The following NCAN variants were observed in gnomAD, a reference collection of about 807,000 sequenced individuals.
The protein encoded by NCAN is neurocan.
NCAN carries 47 observed loss-of-function variants against 121.8 expected under a neutral mutation model. The ratio of observed to expected loss-of-function variants is 0.39; its 90% CI spans 0.31 to 0.49. The LOEUF (loss-of-function observed/expected upper bound fraction) is 0.49. NCAN is among the 20% of genes least tolerant of loss of function. The pLI, the probability that NCAN is intolerant of heterozygous loss-of-function variation, is 0.92. For synonymous variants in NCAN, 633 were observed against 702.0 expected, an observed-to-expected ratio of 0.90 and a Z score of 1.55; for missense variants, 1,517 against 1,773.4, an observed-to-expected ratio of 0.86 and a Z score of 2.60.
Position 19,228,263 on chromosome 19 carries a change from G to A in NCAN, c.2643G>A (p.Lys881=). ...TPLTTLEQGD[K]VGVPAMSTLG... The stretch of plus-strand genomic sequence containing the variant: ...TCACGACCCTGGAGCAGGGGGACAA[G>A]GTTGGAGTTCCAGCCATGTCTACAC... The change falls in exon 8 of 15, where the codon AAG becomes AAA. Residue 881 remains lysine, a synonymous_variant. Transcript: ENST00000252575. 6.2e-7 allele frequency: 1 copy of A among 1,613,980 alleles called. No homozygotes were observed.
Position 19,227,767 on chromosome 19 carries a change from T to C in NCAN, c.2147T>C (p.Val716Ala), listed in dbSNP as rs754735948. ...RETGETSPAQ[V>A]NKAEHSSSSP... ...ACTGGGGAGACCAGCCCTGCTCAGG[T>C]CAACAAAGCTGAGCACTCCAGCTCC... The change falls in exon 8 of 15, where the codon GTC becomes GCC. Residue 716 changes from valine (V) to alanine (A), a missense_variant. Transcript: ENST00000252575. The surrounding 1 kb of genome is among the most constrained non-coding windows in gnomAD (Gnocchi z 4.2). 6.2e-7 allele frequency: 1 copy of C among 1,613,618 alleles called. No individual in the cohort carries two copies. Among genetic ancestry groups the C allele is most frequent in the East Asian group, 2.2e-5 (1 of 44,874 alleles).
chr19:19,238,568 A>G (rs118064148), intron 11 of NCAN, 157 bp downstream of exon 11: 17,223 of 769,474 alleles, frequency 0.022, 267 homozygotes, highest in Middle Eastern at 0.027. Context: ...TTCTTAATGC[A>G]TGAAATCTGT....
chr19:19,232,366 T>G (rs2060863302), intron 8 of NCAN, among the ~76,000 whole-genome samples: 1 of 152,174 alleles, frequency 6.6e-6, no homozygotes, highest in Admixed American at 6.5e-5. Context: ...CGTGGGCAGG[T>G]GTCAGCAGCG....
At chr19:19,234,074 G>A (rs1407501587) in intron 9 of NCAN, among the ~76,000 whole-genome samples, 169 bp downstream of exon 9, 1 of 152,146 alleles carries the variant, frequency 6.6e-6, no homozygotes, top group Admixed American at 6.5e-5. Flanking sequence ...CCAGTTAGTG[G>A]AACCAGAATC....
At chr19:19,233,153 C>T (rs1222328413) in intron 8 of NCAN, among the ~76,000 whole-genome samples, 3 of 152,028 alleles carry the variant, frequency 2.0e-5, no homozygotes, top group African/African-American at 4.8e-5. Context: ...AGGCTGGTCT[C>T]GAACTCCTGA....
chr19:19,229,225 A>G (rs2060849558), intron 8 of NCAN, among the ~76,000 whole-genome samples: 1 of 152,122 alleles, frequency 6.6e-6, no homozygotes, highest in South Asian at 2.1e-4. Context: ...AAACAAAAAC[A>G]AAGTGTGGGA....
At chr19:19,224,877 C>A in intron 5 of NCAN, 100 bp from the exon 6 acceptor site, 1 of 1,098,570 alleles carries the variant, frequency 9.1e-7, no homozygotes, top group South Asian at 2.0e-5. Flanking sequence ...AACCACCACC[C>A]TAACACGTCC....
At position 19,218,139 on chromosome 19, in the gene NCAN, G is replaced by A. The variant is rs1008843770; in HGVS notation, c.74-776G>A. Among the ~76,000 whole-genome samples the A allele has an allele frequency of 2.6e-4, 40 of 151,954 alleles. No homozygotes were observed. In the East Asian group the frequency reaches 3.7e-3, roughly 14 times the overall value. On this transcript the variant is annotated intron_variant, in intron 2 of 14. Transcript: ENST00000252575. ...CTAAAAATGCAAAAATTAGCCAGGC[G>A]TGGTGGCACACACCTGTAATCCCAG...
chr19:19,225,301 A>G lies in NCAN; in HGVS notation c.1072+31A>G. The G allele has an allele frequency of 2.7e-6, 4 of 1,492,998 alleles. No individual in the cohort carries two copies. The highest frequency in any genetic ancestry group is 3.5e-6 in the Non-Finnish European group (4 of 1,137,496). The allele number at this position is 1,492,998 out of a possible 1,614,324, so 92.5% of individuals were successfully genotyped here. On this transcript the variant is annotated intron_variant, in intron 6 of 14. Coordinates refer to ENST00000252575, the MANE Select transcript of NCAN (RefSeq NM_004386.3). The surrounding 1 kb of genome is among the most constrained non-coding windows in gnomAD (Gnocchi z 4.0). ...TGCGTCCCCTGGTGGCCGCGCCCCC[A>G]GGGCTTTCACTTTGGCGAAGGCCAC...
At position 19,220,870 on chromosome 19, in the gene NCAN, A is replaced by T. The variant is rs375424790; in HGVS notation, c.475+1554A>T. 5.9e-5 allele frequency among the ~76,000 whole-genome samples: 9 copies of T among 152,146 alleles called. No individual in the cohort carries two copies. In the East Asian group the frequency reaches 1.5e-3, roughly 26 times the overall value. On this transcript the variant is annotated intron_variant, in intron 3 of 14. Transcript: ENST00000252575. ...GGGTCACTTCAGCCAGGAATTCAAG[A>T]CCAGCCTGGGAAACATAGCAAGACC...
intron 13 of NCAN, 134 bp downstream of exon 13, chr19:19,245,591 C>T (rs2060921524): frequency 9.9e-7 from 1 of 1,006,846 alleles, no homozygotes; most frequent in Non-Finnish European, 1.4e-6. Flanking sequence ...CATCCTCCTG[C>T]CTCAGCTTCC....
At chr19:19,217,308 A>C (rs745509358) in intron 2 of NCAN, among the ~76,000 whole-genome samples, 21 of 152,176 alleles carry the variant, frequency 1.4e-4, no homozygotes, top group Non-Finnish European at 2.1e-4. Flanking sequence ...GCAGAGATTG[A>C]TTAGTGATGT....
chr19:19,240,655 A>G lies in NCAN; in HGVS notation c.3462A>G (p.Arg1154=). The part of the protein sequence containing the change: ...WIGLNDRIVE[R]DFQWTDNTGL... Reference sequence around the variant, plus strand: ...GCCTGAACGACAGGATCGTGGAGAGAGATTTCCAGTGGACGGACAACACCG... The same window carrying G: ...GCCTGAACGACAGGATCGTGGAGAGGGATTTCCAGTGGACGGACAACACCG... Residue 1154 remains arginine, a synonymous_variant, in exon 12 of 15, where the codon AGA becomes AGG. Coordinates refer to ENST00000252575, the MANE Select transcript of NCAN (RefSeq NM_004386.3). The G allele has an allele frequency of 1.2e-6, 2 of 1,614,108 alleles. No individual in the cohort carries two copies. The highest frequency in any genetic ancestry group is 1.7e-6 in the Non-Finnish European group (2 of 1,180,042).
At chr19:19,231,380 G>T (rs2060859399) in intron 8 of NCAN, among the ~76,000 whole-genome samples, 2 of 151,206 alleles carry the variant, frequency 1.3e-5, no homozygotes, top group Non-Finnish European at 2.9e-5. Context: ...GCCCAGGCTG[G>T]AGTACAGTGG....
intron 3 of NCAN, among the ~76,000 whole-genome samples, chr19:19,221,884 C>G (rs1435340697): frequency 6.6e-6 from 1 of 150,958 alleles, no homozygotes; most frequent in Admixed American, 6.6e-5. Flanking sequence ...GAGGGAGACC[C>G]TGACTCAAAT....
chr19:19,230,564 G>A (rs913993548), intron 8 of NCAN, among the ~76,000 whole-genome samples: 2 of 151,352 alleles, frequency 1.3e-5, no homozygotes, highest in Non-Finnish European at 2.9e-5. Context: ...CAACAGGCCT[G>A]GCTAATTTTT....
At chr19:19,221,625 C>T (rs2060817110) in intron 3 of NCAN, among the ~76,000 whole-genome samples, 1 of 151,970 alleles carries the variant, frequency 6.6e-6, no homozygotes, top group African/African-American at 2.4e-5. Flanking sequence ...GCGGCTCACA[C>T]CTCTAATCTC....
intron 11 of NCAN, 180 bp downstream of exon 11, chr19:19,238,591 T>A (rs1472867252): frequency 4.5e-6 from 3 of 672,884 alleles, no homozygotes; most frequent in Non-Finnish European, 7.7e-6. Context: ...ATTCACTTGT[T>A]AATTCATACA....
Position 19,225,403 on chromosome 19 carries a change from G to A in NCAN, c.1072+133G>A. Reference sequence around the variant, plus strand: ...GTGATAAGCCACATCCCTGGGTGAGGGCCACGCCCCCGGGTGAAGGCCACA... The same window carrying A: ...GTGATAAGCCACATCCCTGGGTGAGAGCCACGCCCCCGGGTGAAGGCCACA... On this transcript the variant is annotated intron_variant, in intron 6 of 14. Coordinates refer to ENST00000252575, the MANE Select transcript of NCAN (RefSeq NM_004386.3). The surrounding 1 kb of genome is among the most constrained non-coding windows in gnomAD (Gnocchi z 4.0). 1 of 1,159,340 alleles carries A rather than the reference G, an allele frequency of 8.6e-7. No individual in the cohort carries two copies. Among genetic ancestry groups the A allele is most frequent in the Non-Finnish European group, 1.1e-6 (1 of 870,612 alleles). 71.8% of individuals were successfully genotyped at this position (1,159,340 alleles called of 1,614,324 possible).
Sources: allele counts gnomAD v4.1 joint callset (sites outside exome capture counted in the v4.1 genomes callset), GRCh38; gene constraint gnomAD v4.1.1; non-coding constraint Gnocchi (gnomAD v3.1); transcripts MANE v1.5; gene names NCBI Gene and HGNC (gene_info 2026-07-23, HGNC 2026-07-21).